CLEC2A: variants seen among roughly 807,000 people sequenced by gnomAD.
CLEC2A encodes the protein keratinocyte-associated C-type lectin.
A neutral mutation model predicts 18.6 loss-of-function variants in CLEC2A; 19 were observed. The observed-to-expected ratio is 1.02, with a 90% CI of 0.71 to 1.50. The LOEUF (loss-of-function observed/expected upper bound fraction) is 1.50, where lower values mean the gene tolerates loss of function less well. Among genes scored for constraint, CLEC2A ranks in the 40% most tolerant of loss-of-function variants. The pLI is 0.00. For synonymous variants in CLEC2A, 74 were observed against 64.0 expected (o/e 1.16, Z -0.75); for missense variants, 190 against 207.9 (o/e 0.91, Z 0.53).
intron 2 of CLEC2A, among the ~76,000 whole-genome samples, chr12:9,923,218 A>ATT (rs1157920295): frequency 1.3e-5 from 2 of 152,218 alleles, no homozygotes; most frequent in Non-Finnish European, 2.9e-5. Context: ...TCTACAAAGA[A>ATT]CTTAAACAAA....
intron 2 of CLEC2A, among the ~76,000 whole-genome samples, chr12:9,925,657 A>AT (rs34287798): frequency 9.9e-5 from 15 of 151,958 alleles, no homozygotes; most frequent in East Asian, 1.9e-4. Flanking sequence ...TTTATGTGGG[A>AT]TTTTTTTTTA....
chr12:9,900,705 T>G (rs1862814118), intron 4 of CLEC2A, among the ~76,000 whole-genome samples: 1 of 152,162 alleles, frequency 6.6e-6, no homozygotes, highest in African/African-American at 2.4e-5. Flanking sequence ...AGTGACATTC[T>G]TTACTGACCA....
chr12:9,910,723 TGGTA>T (rs139190612), downstream of CLEC2A, among the ~76,000 whole-genome samples: 14,071 of 152,104 alleles, frequency 0.093, 1,291 homozygotes, highest in African/African-American at 0.24. Flanking sequence ...CTGGTTGCCG[TGGTA>T]GGTAGGTAAG....
chr12:9,897,741 A>G (rs1862772781), downstream of CLEC2A, among the ~76,000 whole-genome samples: 10 of 152,150 alleles, frequency 6.6e-5, no homozygotes, highest in South Asian at 1.9e-3. Context: ...CATTGTGGGC[A>G]TGACCAGACA....
the CLEC2A span, among the ~76,000 whole-genome samples, chr12:9,886,249 C>G: frequency 6.6e-6 from 1 of 151,956 alleles, no homozygotes; most frequent in African/African-American, 2.4e-5. Context: ...TGGGTTTTGA[C>G]CAGTTTAAAA....
the CLEC2A span, among the ~76,000 whole-genome samples, chr12:9,879,512 G>T: frequency 9.3e-4 from 141 of 152,262 alleles, 1 homozygote; most frequent in African/African-American, 2.5e-3. Context: ...GATGGTTTCC[G>T]GCTTGTATTT....
At chr12:9,891,179 G>T in the CLEC2A span, among the ~76,000 whole-genome samples, 1 of 151,838 alleles carries the variant, frequency 6.6e-6, no homozygotes, top group Non-Finnish European at 1.5e-5. Context: ...GAAACTAAGT[G>T]TATATAAGGT....
chr12:9,920,599 C>A (rs982477228), intron 3 of CLEC2A, among the ~76,000 whole-genome samples: 3 of 152,110 alleles, frequency 2.0e-5, no homozygotes, highest in African/African-American at 7.2e-5. Context: ...AGTTCCATTG[C>A]GTGTACCCTG....
chr12:9,925,641 C>T (rs995308292), intron 2 of CLEC2A, among the ~76,000 whole-genome samples: 51 of 125,352 alleles, frequency 4.1e-4, no homozygotes, highest in Middle Eastern at 3.6e-3. Flanking sequence ...GCCCATAGAA[C>T]TGATGTTTAT....
chr12:9,922,296 G>T, intron 2 of CLEC2A, 64 bp from the exon 3 acceptor site: 1 of 1,355,916 alleles, frequency 7.4e-7, no homozygotes, highest in South Asian at 1.9e-5. Flanking sequence ...TACTCATTCA[G>T]GTGTATTAAT....
chr12:9,891,268 T>C, the CLEC2A span, among the ~76,000 whole-genome samples: 1 of 152,218 alleles, frequency 6.6e-6, no homozygotes, highest in South Asian at 2.1e-4. Flanking sequence ...AATAGAGCAG[T>C]TGATATAAAG....
At chr12:9,909,071 T>C (rs1862944706), downstream of CLEC2A, among the ~76,000 whole-genome samples, 2 of 152,214 alleles carry the variant, frequency 1.3e-5, no homozygotes, top group Non-Finnish European at 2.9e-5. Context: ...TGCCCAACTA[T>C]TAGTAAAAAA....
At chr12:9,894,773 G>A (rs1434323602), downstream of CLEC2A, among the ~76,000 whole-genome samples, 1 of 151,890 alleles carries the variant, frequency 6.6e-6, no homozygotes, top group Non-Finnish European at 1.5e-5. Context: ...TAAAACTAAA[G>A]GATGAAGTAG....
the CLEC2A span, among the ~76,000 whole-genome samples, chr12:9,882,573 T>A: frequency 6.6e-6 from 1 of 152,080 alleles, no homozygotes; most frequent in East Asian, 1.9e-4. Context: ...AGGTCAGGAA[T>A]TCGAGACCAG....
At position 9,920,029 on chromosome 12, in the gene CLEC2A, G is replaced by A. The variant is rs565189334; in HGVS notation, c.306+2037C>T. 1.8e-3 allele frequency among the ~76,000 whole-genome samples: 277 copies of A among 152,334 alleles called. 3 individuals are homozygous for A. Among genetic ancestry groups the A allele is most frequent in the African/African-American group, 6.3e-3 (261 of 41,580 alleles). On this transcript the variant is annotated intron_variant, in intron 3 of 4. Transcript: ENST00000455827. ...CAACTTGGACTCTCCAAAGCCTGAA[G>A]GCTGGATGGCTAAGTCACCCAAACA...
chr12:9,907,629 T>C (rs61913469), intron 4 of CLEC2A, among the ~76,000 whole-genome samples: 8,689 of 152,268 alleles, frequency 0.057, 320 homozygotes, highest in Non-Finnish European at 0.079. Context: ...AGGCAGCTAC[T>C]TTCTCTACAT....
chr12:9,895,601 A>T, downstream of CLEC2A: 1 of 1,247,108 alleles, frequency 8.0e-7, no homozygotes, highest in Non-Finnish European at 1.1e-6. Context: ...CTGAAGAATT[A>T]CCTATAAAAG....
chr12:9,885,135 G>A, the CLEC2A span: 1 of 374,822 alleles, frequency 2.7e-6, no homozygotes, highest in Non-Finnish European at 4.7e-6. Flanking sequence ...GTCCAAAACT[G>A]GCATATGTCA....
At chr12:9,887,201 A>AG in the CLEC2A span, among the ~76,000 whole-genome samples, 1 of 152,136 alleles carries the variant, frequency 6.6e-6, no homozygotes, top group African/African-American at 2.4e-5. Context: ...AAACCAAAAA[A>AG]CATGAGTTTT....
Sources: gnomAD v4.1 joint callset for allele counts (sites outside exome capture counted in the v4.1 genomes callset) on GRCh38, gnomAD v4.1.1 for gene constraint, MANE v1.5 for transcripts, NCBI Gene and HGNC (gene_info 2026-07-23, HGNC 2026-07-21) for gene names.